The following GCH1 variants were observed in gnomAD, a reference collection of about 807,000 sequenced individuals.
GCH1 encodes the protein GTP cyclohydrolase 1.
In GCH1, 5 loss-of-function variants were observed where a neutral mutation model predicts 25.9. The ratio of observed to expected loss-of-function variants is 0.19; its 90% CI spans 0.10 to 0.41. The LOEUF (loss-of-function observed/expected upper bound fraction) is 0.41. Among genes scored for constraint, GCH1 ranks in the 10% least tolerant of loss-of-function variants. The probability of loss-of-function intolerance (pLI) is 1.00; values close to 1 mark genes in which losing one functional copy is unlikely to be tolerated. For synonymous variants in GCH1, 159 were observed against 129.6 expected (o/e 1.23, Z -1.54); for missense variants, 261 against 336.5 (o/e 0.78, Z 1.75).
In GCH1 at chr14:54,865,431, G is replaced by A. The variant is rs1348102212; in HGVS notation, c.349C>T (p.Leu117=). 6.7e-7 allele frequency: 1 copy of A among 1,495,808 alleles called. No individual in the cohort carries two copies. Among genetic ancestry groups the A allele is most frequent in the Non-Finnish European group, 9.3e-7 (1 of 1,073,316 alleles). The allele number at this position is 1,495,808 out of a possible 1,614,324, so 92.7% of individuals were successfully genotyped here. A position where few individuals can be genotyped will look rare whatever the true frequency, so the allele number is the denominator to read the frequency against. Reference sequence around the variant, plus strand: ...TCTTCATCAAATATAGCATCGTTTAGGACATCTGAAATCAGAGGCTTGCTT... The same window carrying A: ...TCTTCATCAAATATAGCATCGTTTAAGACATCTGAAATCAGAGGCTTGCTT... The part of the protein sequence containing the change: ...KGYQETISDV[L]NDAIFDEDHD... Residue 117 remains leucine (L), a synonymous_variant, in exon 2 of 6, where the codon CTA becomes TTA. Coordinates refer to ENST00000491895, the MANE Select transcript of GCH1 (RefSeq NM_000161.3).
intron 3 of GCH1, among the ~76,000 whole-genome samples, chr14:54,858,432 T>A (rs2039846040): frequency 6.6e-6 from 1 of 152,040 alleles, no homozygotes; most frequent in Admixed American, 6.6e-5. Context: ...ATTACAGGTG[T>A]GCGCCACCAC....
intron 1 of GCH1, among the ~76,000 whole-genome samples, chr14:54,868,533 C>A (rs892941249): frequency 6.6e-6 from 1 of 152,064 alleles, no homozygotes; most frequent in Non-Finnish European, 1.5e-5. Context: ...CAATGAAAAT[C>A]TGAATAAAGT....
intron 1 of GCH1, among the ~76,000 whole-genome samples, chr14:54,871,242 T>C (rs1356068919): frequency 6.6e-6 from 1 of 152,220 alleles, no homozygotes; most frequent in Non-Finnish European, 1.5e-5. Context: ...AAACAGGGTC[T>C]GGAGTGGACC....
intron 1 of GCH1, among the ~76,000 whole-genome samples, chr14:54,888,315 A>AGTCAACAGGGCC (rs1330855038): frequency 6.6e-6 from 1 of 152,148 alleles, no homozygotes; most frequent in East Asian, 1.9e-4. Context: ...AGAGTGAGCG[A>AGTCAACAGGGCC]TGACAATTCT....
chr14:54,892,226 T>G (rs2040432608), intron 1 of GCH1, among the ~76,000 whole-genome samples: 1 of 152,088 alleles, frequency 6.6e-6, no homozygotes, highest in East Asian at 1.9e-4. Flanking sequence ...AAACAGAAAT[T>G]TATTCTGAAT....
intron 1 of GCH1, chr14:54,885,505 G>T (rs1034761343): frequency 3.2e-6 from 1 of 308,018 alleles, no homozygotes; most frequent in Non-Finnish European, 6.4e-6. Flanking sequence ...ATCATTGATG[G>T]CATCCAAACC....
In GCH1 at chr14:54,859,678, T is replaced by C. The variant is rs369661042; in HGVS notation, c.509+3A>G. ...TTCTTGTTCACTGCACAGTCACACT[T>C]ACCTCGCAAGTTTGCTGAGGCCAAG... On this transcript the variant is annotated splice_donor_region_variant and intron_variant, in intron 3 of 5. Transcript: ENST00000491895. 6.2e-5 allele frequency: 96 copies of C among 1,560,970 alleles called. No homozygotes were observed. The highest frequency in any genetic ancestry group is 6.9e-5 in the Non-Finnish European group (78 of 1,131,792).
chr14:54,845,116 T>C (rs1165266207), intron 5 of GCH1, among the ~76,000 whole-genome samples: 1 of 151,672 alleles, frequency 6.6e-6, no homozygotes, highest in Non-Finnish European at 1.5e-5. Context: ...GAGGTTGCAG[T>C]GAGCCAAGAT....
intron 1 of GCH1, among the ~76,000 whole-genome samples, chr14:54,867,745 T>C (rs2040009770): frequency 6.6e-6 from 1 of 152,088 alleles, no homozygotes; most frequent in Admixed American, 6.6e-5. Context: ...GGCACATGTG[T>C]TTAGAACTAT....
At chr14:54,885,038 C>A in intron 1 of GCH1, 1 of 290,536 alleles carries the variant, frequency 3.4e-6, no homozygotes, top group South Asian at 4.1e-5. Flanking sequence ...GGTGCTGTTC[C>A]GGTGTGGCCC....
chr14:54,871,229 G>A (rs2040071695), intron 1 of GCH1, among the ~76,000 whole-genome samples: 1 of 152,200 alleles, frequency 6.6e-6, no homozygotes, highest in South Asian at 2.1e-4. Flanking sequence ...CTAATACCCA[G>A]GCAAACAGGG....
In GCH1 at chr14:54,845,761, G is replaced by A; in HGVS notation, c.626+7C>T. 6.7e-7 allele frequency: 1 copy of A among 1,503,632 alleles called. No individual in the cohort carries two copies. Among genetic ancestry groups the A allele is most frequent in the Non-Finnish European group, 9.3e-7 (1 of 1,079,126 alleles). The allele number at this position is 1,503,632 out of a possible 1,614,324, so 93.1% of individuals were successfully genotyped here. ...TATGACGTTACTAAAGGCAGATGCA[G>A]ACTTACGTTGCTTCAACCACTACCC... On this transcript the variant is annotated splice_region_variant and intron_variant, in intron 5 of 5. Transcript: ENST00000491895.
At chr14:54,886,975 G>A (rs1306512738) in intron 1 of GCH1, among the ~76,000 whole-genome samples, 1 of 152,254 alleles carries the variant, frequency 6.6e-6, no homozygotes, top group East Asian at 1.9e-4. Context: ...GGAGAGCAGA[G>A]CAGAAAGAGT....
intron 1 of GCH1, among the ~76,000 whole-genome samples, chr14:54,875,304 C>T (rs984312998): frequency 9.2e-5 from 14 of 152,196 alleles, no homozygotes; most frequent in African/African-American, 3.1e-4. Context: ...CTTCCTTACA[C>T]CTTATACAAA....
intron 1 of GCH1, among the ~76,000 whole-genome samples, chr14:54,895,583 TTAAC>T (rs941920200): frequency 9.2e-5 from 14 of 152,184 alleles, no homozygotes; most frequent in Non-Finnish European, 2.1e-4. Context: ...ACTCTCCAAT[TTAAC>T]TAAGTGTAGG....
chr14:54,872,432 G>A (rs936278470), intron 1 of GCH1, among the ~76,000 whole-genome samples: 8 of 152,172 alleles, frequency 5.3e-5, no homozygotes, highest in Non-Finnish European at 1.5e-5. Flanking sequence ...GGAAAAAACT[G>A]CATCAACTAA....
intron 1 of GCH1, among the ~76,000 whole-genome samples, chr14:54,899,475 CATAATA>C (rs929617070): frequency 1.3e-5 from 2 of 151,814 alleles, no homozygotes; most frequent in African/African-American, 4.8e-5. Context: ...TGAAAATAAA[CATAATA>C]ATAATAATCT....
At chr14:54,879,121 G>A (rs781779590) in intron 1 of GCH1, among the ~76,000 whole-genome samples, 11 of 152,000 alleles carry the variant, frequency 7.2e-5, no homozygotes, top group East Asian at 1.9e-4. Context: ...ATGCAGCCAA[G>A]GGAACATAAG....
chr14:54,862,782 T>G (rs1256442503), intron 2 of GCH1, among the ~76,000 whole-genome samples: 12 of 151,942 alleles, frequency 7.9e-5, no homozygotes, highest in Non-Finnish European at 2.9e-5. Flanking sequence ...TCAGAAATGT[T>G]TAGCCCTAGT....
Sources: allele counts gnomAD v4.1 joint callset (sites outside exome capture counted in the v4.1 genomes callset), GRCh38; gene constraint gnomAD v4.1.1; transcripts MANE v1.5; gene names NCBI Gene and HGNC (gene_info 2026-07-23, HGNC 2026-07-21).